MACIR: variants seen among roughly 807,000 people sequenced by gnomAD.
MACIR encodes macrophage immunometabolism regulator.
A neutral mutation model predicts 14.3 loss-of-function variants in MACIR; 4 were observed. The observed-to-expected ratio is 0.28, with a 90% CI of 0.14 to 0.64. The LOEUF (loss-of-function observed/expected upper bound fraction) is 0.64. MACIR is among the 30% of genes least tolerant of loss of function. The probability of loss-of-function intolerance (pLI) is 0.83; values close to 1 mark genes in which losing one functional copy is unlikely to be tolerated. For synonymous variants in MACIR, 101 were observed against 102.4 expected (o/e 0.99, Z 0.08); for missense variants, 228 against 257.6 (o/e 0.89, Z 0.79).
Position 103,277,259 on chromosome 5 carries a change from G to A in MACIR, c.*719G>A, listed in dbSNP as rs761421689. On this transcript the variant is annotated 3_prime_UTR_variant, in exon 3 of 3. Coordinates refer to ENST00000319933, the MANE Select transcript of MACIR (RefSeq NM_033211.4). ...GATACAAAGTATTTATTTTACAATGGGTGGGCGGGGGAAACTTTTCCAGAA... is the reference window on the plus strand; with the variant it reads ...GATACAAAGTATTTATTTTACAATGAGTGGGCGGGGGAAACTTTTCCAGAA... 1.8e-5 allele frequency: 3 copies of A among 166,890 alleles called. No individual in the cohort carries two copies. The highest frequency in any genetic ancestry group is 2.9e-5 in the Non-Finnish European group (2 of 68,066). The allele number at this position is 166,890 out of a possible 1,614,324, so 10.3% of individuals were successfully genotyped here. A position where few individuals can be genotyped will look rare whatever the true frequency, so the allele number is the denominator to read the frequency against.
intron 1 of MACIR, among the ~76,000 whole-genome samples, chr5:103,261,701 T>C (rs377479987): frequency 3.1e-3 from 355 of 116,112 alleles, no homozygotes; most frequent in African/African-American, 0.01. Flanking sequence ...TTTCTTTCTT[T>C]CTTCCTTTCT....
chr5:103,258,581 G>C (rs1804540157), upstream of MACIR: 1 of 152,292 alleles, frequency 6.6e-6, no homozygotes, highest in Non-Finnish European at 1.5e-5. Context: ...GCAGCCAGCC[G>C]GCCCGCCCTT....
At chr5:103,267,601 C>T (rs1804972935) in intron 2 of MACIR, among the ~76,000 whole-genome samples, 1 of 152,114 alleles carries the variant, frequency 6.6e-6, no homozygotes, top group Admixed American at 6.6e-5. Flanking sequence ...TTCAAACATA[C>T]ACTGGGAAAC....
intron 2 of MACIR, among the ~76,000 whole-genome samples, chr5:103,272,376 T>TTTC (rs1554237189): frequency 0.084 from 12,696 of 150,944 alleles, 756 homozygotes; most frequent in Non-Finnish European, 0.13. Flanking sequence ...TTTTTTTTTT[T>TTTC]CCAGAATTCT....
chr5:103,259,726 G>T (rs147501877), intron 1 of MACIR: 1,914 of 152,402 alleles, frequency 0.013, 12 homozygotes, highest in Middle Eastern at 0.027. Context: ...CGAGCCAGAA[G>T]CTTAAGCGGC....
rs1804554935 is a variant in MACIR, at chr5:103,258,865, C to A, written c.-145C>A. The A allele has an allele frequency of 6.6e-6, 1 of 152,340 alleles. No homozygotes were observed. Among genetic ancestry groups the A allele is most frequent in the African/African-American group, 2.4e-5 (1 of 41,460 alleles). 9.4% of individuals were successfully genotyped at this position (152,340 alleles called of 1,614,324 possible). A position where few individuals can be genotyped will look rare whatever the true frequency, so the allele number is the denominator to read the frequency against. On this transcript the variant is annotated 5_prime_UTR_variant, in exon 1 of 3. Coordinates refer to ENST00000319933, the MANE Select transcript of MACIR (RefSeq NM_033211.4). ...CTGTCTCCCGCTCCGCAGCCCCGGGCACGGCGGAGGCAGCGGAGCCCTGGG... is the reference window on the plus strand; with the variant it reads ...CTGTCTCCCGCTCCGCAGCCCCGGGAACGGCGGAGGCAGCGGAGCCCTGGG...
rs1463879744 is a variant in MACIR at position 103,278,103 on chromosome 5, C to G, written c.*1563C>G. 1 of 166,978 alleles carries G rather than the reference C, an allele frequency of 6.0e-6. No individual in the cohort carries two copies. Among genetic ancestry groups the G allele is most frequent in the African/African-American group, 2.4e-5 (1 of 41,424 alleles). 10.3% of individuals were successfully genotyped at this position (166,978 alleles called of 1,614,324 possible). On this transcript the variant is annotated 3_prime_UTR_variant, in exon 3 of 3. Coordinates refer to ENST00000319933, the MANE Select transcript of MACIR (RefSeq NM_033211.4). Reference sequence around the variant, plus strand: ...CTTGGGGAAGTTGGCCCATATCTTACTAAGTTGATCAGATTTCTCGTTGGG... The same window carrying G: ...CTTGGGGAAGTTGGCCCATATCTTAGTAAGTTGATCAGATTTCTCGTTGGG...
chr5:103,260,607 GT>G (rs1170180605), intron 1 of MACIR, among the ~76,000 whole-genome samples: 1 of 152,138 alleles, frequency 6.6e-6, no homozygotes, highest in Admixed American at 6.5e-5. Context: ...AAATGAAAGT[GT>G]TAGTAATTAT....
At position 103,277,541 on chromosome 5, in the gene MACIR, C is replaced by G. The variant is rs1474535737; in HGVS notation, c.*1001C>G. 2 of 167,002 alleles carry G rather than the reference C, an allele frequency of 1.2e-5. No individual in the cohort carries two copies. Among genetic ancestry groups the G allele is most frequent in the Non-Finnish European group, 2.9e-5 (2 of 68,096 alleles). The allele number at this position is 167,002 out of a possible 1,614,324, so 10.3% of individuals were successfully genotyped here. A position where few individuals can be genotyped will look rare whatever the true frequency, so the allele number is the denominator to read the frequency against. ...GCATCAGGTCATTGCAGTTTTAGTT[C>G]TGTGTAACACAAGCACTCACTGAAA... is the stretch of plus-strand genomic sequence containing the variant. On this transcript the variant is annotated 3_prime_UTR_variant, in exon 3 of 3. Transcript: ENST00000319933.
rs202048121 is a variant in MACIR, at chr5:103,261,709, T to C, written c.-114+2813T>C. 3.0e-3 allele frequency among the ~76,000 whole-genome samples: 304 copies of C among 102,900 alleles called. 3 individuals are homozygous for C. The highest frequency in any genetic ancestry group is 8.9e-3 in the East Asian group (34 of 3,814). 67.5% of individuals were successfully genotyped at this position (102,900 alleles called of 152,430 possible). ...TTCTTTCTTTCTTTCTTTCTTCCTT[T>C]CTTTCTTTCTTTCTTTCTTTTCTTT... On this transcript the variant is annotated intron_variant, in intron 1 of 2. Coordinates refer to ENST00000319933, the MANE Select transcript of MACIR (RefSeq NM_033211.4).
At chr5:103,263,070 G>A (rs1804786033) in intron 1 of MACIR, among the ~76,000 whole-genome samples, 1 of 152,152 alleles carries the variant, frequency 6.6e-6, no homozygotes, top group Non-Finnish European at 1.5e-5. Flanking sequence ...GGAGATGGGG[G>A]TAGAACCCTT....
intron 2 of MACIR, among the ~76,000 whole-genome samples, chr5:103,272,761 AG>A (rs1374177683): frequency 5.9e-5 from 9 of 152,272 alleles, no homozygotes; most frequent in African/African-American, 1.9e-4. Flanking sequence ...GCCGTTTGTG[AG>A]AGTCTTGTTT....
chr5:103,264,948 G>A (rs546073532), intron 1 of MACIR, among the ~76,000 whole-genome samples: 5 of 151,898 alleles, frequency 3.3e-5, no homozygotes, highest in South Asian at 2.1e-4. Context: ...GAATCTACTC[G>A]CTTCATTTGA....
intron 1 of MACIR, among the ~76,000 whole-genome samples, chr5:103,262,639 G>T (rs1554236401): frequency 6.6e-6 from 1 of 152,154 alleles, no homozygotes; most frequent in Non-Finnish European, 1.5e-5. Flanking sequence ...GGTGTCTTTT[G>T]CTTAGTCACC....
At chr5:103,272,819 T>C (rs1290886199) in intron 2 of MACIR, among the ~76,000 whole-genome samples, 3 of 152,196 alleles carry the variant, frequency 2.0e-5, no homozygotes, top group Admixed American at 1.3e-4. Context: ...AAGTTGTTCT[T>C]GTACATGTGG....
At chr5:103,271,490 C>A (rs527733504) in intron 2 of MACIR, among the ~76,000 whole-genome samples, 2 of 151,834 alleles carry the variant, frequency 1.3e-5, no homozygotes, top group Non-Finnish European at 1.5e-5. Flanking sequence ...CATTCTGTAC[C>A]CAATGCTTTA....
intron 2 of MACIR, among the ~76,000 whole-genome samples, chr5:103,275,196 A>G (rs1580584081): frequency 6.6e-6 from 1 of 152,220 alleles, no homozygotes; most frequent in Admixed American, 6.5e-5. Context: ...ATTAAAAATT[A>G]TGTGATATAT....
chr5:103,266,980 C>CAAAG (rs1167033522), intron 2 of MACIR, among the ~76,000 whole-genome samples: 4 of 152,132 alleles, frequency 2.6e-5, no homozygotes, highest in African/African-American at 9.6e-5. Flanking sequence ...AACCATAGTA[C>CAAAG]AAAGTACTTG....
chr5:103,266,391 A>G (rs1275926916), intron 2 of MACIR, among the ~76,000 whole-genome samples: 4 of 152,188 alleles, frequency 2.6e-5, no homozygotes, highest in African/African-American at 9.6e-5. Context: ...TTCTGGTTAT[A>G]TATTATCATA....
Sources: allele counts gnomAD v4.1 joint callset (sites outside exome capture counted in the v4.1 genomes callset), GRCh38; gene constraint gnomAD v4.1.1; transcripts MANE v1.5; gene names NCBI Gene and HGNC (gene_info 2026-07-23, HGNC 2026-07-21).